Variants in TLR1 observed in about 807,000 individuals in gnomAD.
TLR1 encodes toll like receptor 1.
In TLR1, 19 loss-of-function variants were observed where a neutral mutation model predicts 20.2. That is an observed-to-expected ratio of 0.94 (90% CI 0.66 to 1.38). The LOEUF is 1.38. Ranked by LOEUF, TLR1 falls within the 40% of genes most tolerant of loss-of-function variation. The probability of loss-of-function intolerance (pLI) is 0.00; values close to 1 mark genes in which losing one functional copy is unlikely to be tolerated. For synonymous variants in TLR1, 320 were observed against 334.5 expected (o/e 0.96, Z 0.47); for missense variants, 921 against 910.0 (o/e 1.01, Z -0.16).
intron 2 of TLR1, among the ~76,000 whole-genome samples, chr4:38,801,621 CA>C (rs1429094631): frequency 6.6e-6 from 1 of 152,174 alleles, no homozygotes; most frequent in Non-Finnish European, 1.5e-5. Flanking sequence ...TTCATGGAAG[CA>C]GTGATCAGCA....
chr4:38,800,237 G>C (rs1247125630), intron 3 of TLR1, among the ~76,000 whole-genome samples: 2 of 152,260 alleles, frequency 1.3e-5, no homozygotes, highest in Non-Finnish European at 1.5e-5. Context: ...GGAACGGGAA[G>C]GTCAATGTTA....
At chr4:38,800,007 A>G (rs1173502313) in intron 3 of TLR1, among the ~76,000 whole-genome samples, 1 of 152,192 alleles carries the variant, frequency 6.6e-6, no homozygotes, top group Non-Finnish European at 1.5e-5. Flanking sequence ...AGAGAAAAAT[A>G]AAGCAGGGTA....
chr4:38,800,434 T>C (rs887264701), intron 3 of TLR1: 2 of 152,200 alleles, frequency 1.3e-5, no homozygotes, highest in Non-Finnish European at 2.9e-5. Context: ...TCATCAAATA[T>C]GTATTTATTC....
In TLR1 at chr4:38,797,834, A is replaced by C. The variant is rs748128083; in HGVS notation, c.998T>G (p.Val333Gly). The change falls in exon 4 of 4, where the codon GTG (valine) becomes GGG (glycine). Residue 333 changes from valine (V) to glycine (G), a missense_variant. Physicochemically the swap from Val to Gly is moderately radical, Grantham distance 109. Transcript: ENST00000308979. ...CATGTGGACCATGCGTGTACCAGAC[A>C]CTGTGAAATTTTTGATGTTCATATT... is the stretch of plus-strand genomic sequence containing the variant. ...FSNMNIKNFT[V>G]SGTRMVHMLC... 2.3e-5 allele frequency: 37 copies of C among 1,613,998 alleles called. No individual in the cohort carries two copies. In the South Asian group the frequency reaches 4.1e-4, roughly 18 times the overall value.
At chr4:38,789,149 G>A (rs1003205371), downstream of TLR1, among the ~76,000 whole-genome samples, 8 of 152,210 alleles carry the variant, frequency 5.3e-5, no homozygotes, top group Admixed American at 4.6e-4. Context: ...CTGTTATGGT[G>A]GAAACACTTT....
chr4:38,800,725 T>A (rs5743597), intron 3 of TLR1, 132 bp downstream of exon 3: 4,969 of 152,778 alleles, frequency 0.033, 111 homozygotes, highest in Non-Finnish European at 0.054. Flanking sequence ...CCTCTTCACA[T>A]ATCCCCTCCC....
At chr4:38,788,178 T>A, downstream of TLR1, among the ~76,000 whole-genome samples, 1 of 150,288 alleles carries the variant, frequency 6.7e-6, no homozygotes. Flanking sequence ...GAGGAGAGGA[T>A]CAAAAGGGAA....
Position 38,804,297 on chromosome 4 carries a change from G to C in TLR1, c.-160+9C>G, listed in dbSNP as rs1190905967. The stretch of plus-strand genomic sequence containing the variant: ...TGGGAAGGCCCCAGAGAGAAAAACT[G>C]AAACAAACCTGGCCACAAAAACAGA... On this transcript the variant is annotated intron_variant, in intron 2 of 3. Coordinates refer to ENST00000308979, the MANE Select transcript of TLR1 (RefSeq NM_003263.4). 6.6e-6 allele frequency: 1 copy of C among 152,280 alleles called. No homozygotes were observed. The highest frequency in any genetic ancestry group is 1.9e-4 in the East Asian group (1 of 5,206). 9.4% of individuals were successfully genotyped at this position (152,280 alleles called of 1,614,324 possible). A position where few individuals can be genotyped will look rare whatever the true frequency, so the allele number is the denominator to read the frequency against.
Position 38,797,136 on chromosome 4 carries a change from G to A in TLR1, c.1696C>T (p.Leu566=). The A allele has an allele frequency of 6.2e-7, 1 of 1,614,202 alleles. No individual in the cohort carries two copies. ...TCAGACATGTGAAAGTCCTTTAGTA[G>A]GGTTCCTCTATAACTTTCCGGGTAG... ...CDYPESYRGT[L]LKDFHMSELS... is the part of the protein sequence containing the mutation. The change falls in exon 4 of 4, where the codon CTA becomes TTA. Residue 566 remains leucine, a synonymous_variant. Coordinates refer to ENST00000308979, the MANE Select transcript of TLR1 (RefSeq NM_003263.4).
chr4:38,798,617 C>A lies in TLR1; in HGVS notation c.215G>T (p.Arg72Met), dbSNP rs759551895. ...TCTATTATGAGAAATTATCAAAATC[C>A]TCAGTTTTGACAGTGATAAGATGTC... ...TSDILSLSKL[R>M]ILIISHNRIQ... The change falls in exon 4 of 4, where the codon AGG becomes ATG. Residue 72 changes from arginine (R) to methionine (M), a missense_variant. By Grantham distance (91) the Arg-to-Met change is moderately conservative (BLOSUM62 -1). Transcript: ENST00000308979. 6.2e-7 allele frequency: 1 copy of A among 1,613,490 alleles called. No homozygotes were observed. The highest frequency in any genetic ancestry group is 1.3e-5 in the African/African-American group (1 of 74,856).
At chr4:38,790,839 A>G (rs564797899), downstream of TLR1, 1 of 152,230 alleles carries the variant, frequency 6.6e-6, no homozygotes, top group Admixed American at 6.5e-5. Flanking sequence ...GGGCTATCAA[A>G]CTTTTTAAGT....
rs747798896 is a variant in TLR1, at chr4:38,798,569, A to C, written c.263T>G (p.Val88Gly). The change falls in exon 4 of 4, where the codon GTT (valine) becomes GGT (glycine). Residue 88 changes from valine (V) to glycine (G), a missense_variant. By Grantham distance (109) the Val-to-Gly change is moderately radical (BLOSUM62 -3). Transcript: ENST00000308979. ...HNRIQYLDIS[V>G]FKFNQELEYL... ...TTCCAATTCCTGGTTGAATTTGAAA[A>C]CACTGATATCAAGATACTGGATTCT... 8 of 1,614,030 alleles carry C rather than the reference A, an allele frequency of 5.0e-6. No homozygotes were observed. The East Asian group carries it at 6.7e-5, about 13-fold the overall frequency.
At chr4:38,789,806 T>C (rs1054930808), downstream of TLR1, among the ~76,000 whole-genome samples, 5 of 152,322 alleles carry the variant, frequency 3.3e-5, no homozygotes, top group East Asian at 9.6e-4. Flanking sequence ...GGCAGAGATT[T>C]ATATATGAAC....
Position 38,796,864 on chromosome 4 carries a change from C to T in TLR1, c.1968G>A (p.Leu656=), listed in dbSNP as rs5743620. Residue 656 remains leucine (L), a synonymous_variant, in exon 4 of 4, where the codon TTG becomes TTA. Coordinates refer to ENST00000308979, the MANE Select transcript of TLR1 (RefSeq NM_003263.4). ...GCATACCTTCTTTCTCTAGGTTTGG[C>T]AATAATTCATTCTTCACCCAGAAAG... is the stretch of plus-strand genomic sequence containing the variant. ...HDSFWVKNEL[L]PNLEKEGMQI... 5,468 of 1,614,176 alleles carry T rather than the reference C, an allele frequency of 3.4e-3. 73 individuals are homozygous for T. In the African/African-American group the frequency reaches 0.039, roughly 12 times the overall value.
At chr4:38,794,774 T>A (rs1364334179), downstream of TLR1, 1 of 152,220 alleles carries the variant, frequency 6.6e-6, no homozygotes, top group Non-Finnish European at 1.5e-5. Context: ...TCTGATTGAC[T>A]GTAAGTTCTT....
Position 38,798,053 on chromosome 4 carries a change from G to T in TLR1, c.779C>A (p.Ser260Tyr), listed in dbSNP as rs1365248759. ...TLNNIETTWN[S>Y]FIRILQLVWH... Reference sequence around the variant, plus strand: ...AACCAGCTGGAGGATCCTAATGAAAGAATTCCAAGTTGTTTCAATGTTGTT... The same window carrying T: ...AACCAGCTGGAGGATCCTAATGAAATAATTCCAAGTTGTTTCAATGTTGTT... The change falls in exon 4 of 4, where the codon TCT becomes TAT. Residue 260 changes from serine (S) to tyrosine (Y), a missense_variant. Ser to Tyr is a moderately radical substitution (Grantham distance 144). Coordinates refer to ENST00000308979, the MANE Select transcript of TLR1 (RefSeq NM_003263.4). 1 of 1,613,884 alleles carries T rather than the reference G, an allele frequency of 6.2e-7. No homozygotes were observed. Among genetic ancestry groups the T allele is most frequent in the Non-Finnish European group, 8.5e-7 (1 of 1,179,860 alleles).
downstream of TLR1, chr4:38,790,734 T>C (rs1372994913): frequency 6.6e-6 from 1 of 151,856 alleles, no homozygotes; most frequent in Non-Finnish European, 1.5e-5. Flanking sequence ...GTTAGGCTTT[T>C]ACTTATTTTT....
downstream of TLR1, among the ~76,000 whole-genome samples, chr4:38,792,078 C>A (rs1400802238): frequency 6.6e-6 from 1 of 152,092 alleles, no homozygotes; most frequent in Non-Finnish European, 1.5e-5. Flanking sequence ...CAGTATTATG[C>A]CCATTTTATA....
At position 38,796,865 on chromosome 4, in the gene TLR1, A is replaced by G; in HGVS notation, c.1967T>C (p.Leu656Ser). ...HDSFWVKNEL[L>S]PNLEKEGMQI... ...CATACCTTCTTTCTCTAGGTTTGGC[A>G]ATAATTCATTCTTCACCCAGAAAGA... The change falls in exon 4 of 4, where the codon TTG (leucine) becomes TCG (serine). Residue 656 changes from leucine (L) to serine (S), a missense_variant. Coordinates refer to ENST00000308979, the MANE Select transcript of TLR1 (RefSeq NM_003263.4). 1 of 1,614,230 alleles carries G rather than the reference A, an allele frequency of 6.2e-7. No individual in the cohort carries two copies. Among genetic ancestry groups the G allele is most frequent in the Non-Finnish European group, 8.5e-7 (1 of 1,180,038 alleles).
Sources: allele counts gnomAD v4.1 joint callset (sites outside exome capture counted in the v4.1 genomes callset), GRCh38; gene constraint gnomAD v4.1.1; transcripts MANE v1.5; gene names NCBI Gene and HGNC (gene_info 2026-07-23, HGNC 2026-07-21).